Variants in TRPM3 observed in about 807,000 individuals in gnomAD.
TRPM3 encodes the protein transient receptor potential cation channel subfamily M member 3, also known as long transient receptor potential channel 3.
In TRPM3, 77 loss-of-function variants were observed where a neutral mutation model predicts 181.2. The observed-to-expected ratio is 0.42, with a 90% CI of 0.35 to 0.51. The LOEUF (loss-of-function observed/expected upper bound fraction) is 0.51. TRPM3 is among the 20% of genes least tolerant of loss of function. TRPM3 has a pLI of 0.01. For synonymous variants in TRPM3, 745 were observed against 796.4 expected (o/e 0.94, Z 1.09); for missense variants, 1,759 against 2,196.7 (o/e 0.80, Z 3.98).
chr9:70,888,826 T>C (rs575394754), intron 1 of TRPM3, among the ~76,000 whole-genome samples: 41 of 152,276 alleles, frequency 2.7e-4, no homozygotes, highest in Non-Finnish European at 5.9e-4. Context: ...AGGAGGCTGA[T>C]TCAACAACAT....
chr9:71,076,166 A>T (rs2063432419), intron 1 of TRPM3, among the ~76,000 whole-genome samples: 1 of 152,188 alleles, frequency 6.6e-6, no homozygotes, highest in Non-Finnish European at 1.5e-5. Flanking sequence ...AGGAGAGCTA[A>T]TTGTTCAGTT....
chr9:70,638,724 C>T (rs2057606327), intron 11 of TRPM3, among the ~76,000 whole-genome samples: 2 of 152,110 alleles, frequency 1.3e-5, no homozygotes, highest in Admixed American at 1.3e-4. Flanking sequence ...TTAAACCAAC[C>T]CTCCTTTGCT....
At chr9:70,890,807 G>C (rs2096187879) in intron 1 of TRPM3, among the ~76,000 whole-genome samples, 1 of 151,996 alleles carries the variant, frequency 6.6e-6, no homozygotes, top group African/African-American at 2.4e-5. Flanking sequence ...TCTAAAAACA[G>C]GGAACCAAGC....
At chr9:71,411,385 G>C (rs1049916548) in intron 1 of TRPM3, among the ~76,000 whole-genome samples, 1 of 152,188 alleles carries the variant, frequency 6.6e-6, no homozygotes, top group Non-Finnish European at 1.5e-5. Flanking sequence ...TCCTTAAGCT[G>C]ATAAGCAACT....
At position 70,809,351 on chromosome 9, in the gene TRPM3, A is replaced by T. The variant is rs183825090; in HGVS notation, c.973+18496T>A. ...GTTTATAAAGTTTACAGTAGTATAC[A>T]AAAATATTCTAGCACTCACTCAGTG... is the stretch of plus-strand genomic sequence containing the variant. On this transcript the variant is annotated intron_variant, in intron 6 of 25. Coordinates refer to ENST00000677713, the MANE Select transcript of TRPM3 (RefSeq NM_001366145.2). 9.2e-5 allele frequency among the ~76,000 whole-genome samples: 14 copies of T among 152,354 alleles called. No individual in the cohort carries two copies. The East Asian group carries it at 2.1e-3, about 23-fold the overall frequency.
At chr9:71,184,022 A>G (rs931721004) in intron 1 of TRPM3, among the ~76,000 whole-genome samples, 1 of 151,988 alleles carries the variant, frequency 6.6e-6, no homozygotes, top group Non-Finnish European at 1.5e-5. Flanking sequence ...CATCTCTCAC[A>G]CCCTTGCCAG....
chr9:71,377,631 TATAAC>T (rs1230654653), intron 1 of TRPM3, among the ~76,000 whole-genome samples: 1 of 151,928 alleles, frequency 6.6e-6, no homozygotes, highest in African/African-American at 2.4e-5. Context: ...TTTATTGAAG[TATAAC>T]ATATATAGAA....
intron 22 of TRPM3, among the ~76,000 whole-genome samples, chr9:70,553,748 T>A (rs1325922602): frequency 6.6e-6 from 1 of 152,210 alleles, no homozygotes; most frequent in African/African-American, 2.4e-5. Flanking sequence ...AGCAGCAGCA[T>A]CTCGGGACTA....
intron 1 of TRPM3, among the ~76,000 whole-genome samples, chr9:71,171,570 C>A (rs2076859498): frequency 1.3e-5 from 2 of 152,130 alleles, no homozygotes; most frequent in African/African-American, 4.8e-5. Flanking sequence ...TTACTATGTA[C>A]TGAGTGTGGG....
intron 22 of TRPM3, among the ~76,000 whole-genome samples, chr9:70,583,398 T>G (rs113281912): frequency 2.3e-4 from 35 of 152,266 alleles, no homozygotes; most frequent in African/African-American, 8.4e-4. Context: ...ATAGTCATGA[T>G]AGAGTAGAAA....
At chr9:71,256,206 T>C (rs2082661601) in intron 1 of TRPM3, among the ~76,000 whole-genome samples, 1 of 152,210 alleles carries the variant, frequency 6.6e-6, no homozygotes. Flanking sequence ...GGAATTCAGA[T>C]GCAGTTTCTG....
At chr9:70,670,102 G>A (rs1252103557) in intron 9 of TRPM3, among the ~76,000 whole-genome samples, 1 of 152,130 alleles carries the variant, frequency 6.6e-6, no homozygotes, top group African/African-American at 2.4e-5. Flanking sequence ...GTGTGAGATA[G>A]TATGATACTG....
intron 1 of TRPM3, among the ~76,000 whole-genome samples, chr9:71,269,780 TATAA>T (rs1463335475): frequency 6.6e-6 from 1 of 152,216 alleles, no homozygotes; most frequent in Non-Finnish European, 1.5e-5. Flanking sequence ...TTTTGTTCCC[TATAA>T]ATAATCTGGT....
At chr9:71,187,528 G>A (rs1019676272) in intron 1 of TRPM3, among the ~76,000 whole-genome samples, 1 of 151,742 alleles carries the variant, frequency 6.6e-6, no homozygotes, top group Non-Finnish European at 1.5e-5. Context: ...CAAGAATTCT[G>A]GGAAAAACTG....
chr9:71,305,967 A>G (rs997093842), intron 1 of TRPM3, among the ~76,000 whole-genome samples: 3 of 152,162 alleles, frequency 2.0e-5, no homozygotes, highest in Non-Finnish European at 2.9e-5. Flanking sequence ...TATCTGAGAA[A>G]GGGTGCTTTG....
chr9:71,091,402 G>A (rs563378989), intron 1 of TRPM3, among the ~76,000 whole-genome samples: 1 of 152,192 alleles, frequency 6.6e-6, no homozygotes, highest in Admixed American at 6.5e-5. Context: ...GTTCAGGGTT[G>A]GAGAAGGTAA....
intron 1 of TRPM3, among the ~76,000 whole-genome samples, chr9:71,441,009 C>T (rs2094129313): frequency 6.6e-6 from 1 of 152,054 alleles, no homozygotes; most frequent in South Asian, 2.1e-4. Flanking sequence ...GACTTAAAAT[C>T]ATCACAATGC....
intron 6 of TRPM3, among the ~76,000 whole-genome samples, chr9:70,823,364 G>A (rs1352294525): frequency 4.7e-5 from 7 of 149,292 alleles, no homozygotes; most frequent in African/African-American, 1.7e-4. Context: ...CCCAGATCCA[G>A]TCTTGGTTAG....
At chr9:71,148,602 A>G (rs1453243310) in intron 1 of TRPM3, among the ~76,000 whole-genome samples, 1 of 152,076 alleles carries the variant, frequency 6.6e-6, no homozygotes, top group African/African-American at 2.4e-5. Context: ...AAAAACATGA[A>G]CCAAGAAAAC....
Sources: gnomAD v4.1 joint callset for allele counts (sites outside exome capture counted in the v4.1 genomes callset) on GRCh38, gnomAD v4.1.1 for gene constraint, MANE v1.5 for transcripts, NCBI Gene and HGNC (gene_info 2026-07-23, HGNC 2026-07-21) for gene names.